The following BRD1 variants were observed in gnomAD, a reference collection of about 807,000 sequenced individuals.
BRD1 encodes the protein bromodomain containing 1.
In BRD1, 24 loss-of-function variants were observed where a neutral mutation model predicts 107.7. That is an observed-to-expected ratio of 0.22 (90% confidence interval 0.16 to 0.31). BRD1 has a LOEUF of 0.31. BRD1 is among the 10% of genes least tolerant of loss of function. BRD1 has a pLI of 1.00. For missense variants in BRD1, 1,279 were observed against 1,638.6 expected, an observed-to-expected ratio of 0.78 and a Z score of 3.79; for synonymous variants, 744 against 686.1, an observed-to-expected ratio of 1.08 and a Z score of -1.32.
At chr22:49,784,266 G>A (rs1419455611) in intron 8 of BRD1, among the ~76,000 whole-genome samples, 23 of 146,504 alleles carry the variant, frequency 1.6e-4, no homozygotes, top group African/African-American at 5.1e-4. Context: ...ACGTGCACAG[G>A]GAGACTCGCG....
intron 3 of BRD1, among the ~76,000 whole-genome samples, chr22:49,799,700 C>G (rs891113325): frequency 6.6e-6 from 1 of 152,230 alleles, no homozygotes; most frequent in African/African-American, 2.4e-5. Context: ...AGCACCTGCT[C>G]CCTTCTCAGT....
At chr22:49,779,303 A>T (rs886651624) in intron 8 of BRD1, among the ~76,000 whole-genome samples, 27 of 152,120 alleles carry the variant, frequency 1.8e-4, no homozygotes, top group Non-Finnish European at 4.4e-5. Flanking sequence ...ACTTTTCAAT[A>T]CAGGGGCTGA....
At chr22:49,816,778 G>T (rs1294212853) in intron 2 of BRD1, among the ~76,000 whole-genome samples, 1 of 152,222 alleles carries the variant, frequency 6.6e-6, no homozygotes, top group African/African-American at 2.4e-5. Flanking sequence ...TGCAGGAAGT[G>T]AGTCCAGGTA....
chr22:49,787,987 G>T, intron 7 of BRD1, 100 bp from the exon 8 acceptor site: 1 of 1,181,690 alleles, frequency 8.5e-7, no homozygotes, highest in Non-Finnish European at 1.2e-6. Context: ...TACTAATTCA[G>T]TTAAGGAAAC....
chr22:49,818,160 G>A (rs2059990859), intron 2 of BRD1: 30 of 1,002,204 alleles, frequency 3.0e-5, no homozygotes, highest in Non-Finnish European at 3.6e-5. Flanking sequence ...CTATCAGGGT[G>A]AAGGCGGGAG....
At chr22:49,778,829 T>C (rs1440466254) in intron 8 of BRD1, among the ~76,000 whole-genome samples, 1 of 151,872 alleles carries the variant, frequency 6.6e-6, no homozygotes, top group African/African-American at 2.4e-5. Flanking sequence ...GCCTGGCTAA[T>C]TTTTTGTATT....
rs1389304847 is a variant in BRD1 at position 49,825,880 on chromosome 22, T to C, written c.-14-1549A>G. The C allele has an allele frequency of 2.0e-5, 3 of 152,238 alleles. 1 individual carries two copies. The highest frequency in any genetic ancestry group is 4.8e-5 in the African/African-American group (2 of 41,444). 9.4% of individuals were successfully genotyped at this position (152,238 alleles called of 1,614,324 possible). A position where few individuals can be genotyped will look rare whatever the true frequency, so the allele number is the denominator to read the frequency against. ...TCTCTGTATCAGACAGAAATCCTCA[T>C]TGTATGTTGAAACTAGATTGCAATT... On this transcript the variant is annotated intron_variant, in intron 1 of 12. Coordinates refer to ENST00000404760, the MANE Select transcript of BRD1 (RefSeq NM_001304808.3).
intron 2 of BRD1, chr22:49,807,102 A>C (rs567993235): frequency 6.6e-6 from 1 of 152,186 alleles, no homozygotes; most frequent in Non-Finnish European, 1.5e-5. Flanking sequence ...TGTTAAGCCC[A>C]GTCTACATGC....
intron 3 of BRD1, 47 bp downstream of exon 3, chr22:49,804,157 T>G: frequency 1.3e-6 from 2 of 1,484,878 alleles, no homozygotes; most frequent in South Asian, 1.4e-5. Context: ...CCCTGGAGGG[T>G]GGGGGTGAGA....
chr22:49,823,358 T>C lies in BRD1; in HGVS notation c.960A>G (p.Pro320=), dbSNP rs777238031. 39 of 1,613,940 alleles carry C rather than the reference T, an allele frequency of 2.4e-5. No homozygotes were observed. The highest frequency in any genetic ancestry group is 3.1e-5 in the Non-Finnish European group (36 of 1,180,020). The change falls in exon 2 of 13, where the codon CCA becomes CCG. Residue 320 remains proline, a synonymous_variant. Coordinates refer to ENST00000404760, the MANE Select transcript of BRD1 (RefSeq NM_001304808.3). ...GGTAGCATGTCAGTTTCCACCGGGC[T>C]GGAGGGATGTTCCTCACCCCATCGA... ...EPIDGVRNIP[P]ARWKLTCYLC...
At chr22:49,805,666 G>A (rs1424546117) in intron 2 of BRD1, 1 of 152,154 alleles carries the variant, frequency 6.6e-6, no homozygotes, top group Non-Finnish European at 1.5e-5. Context: ...GGAGCAGTCT[G>A]TTTTTACCAC....
intron 4 of BRD1, 38 bp downstream of exon 4, chr22:49,798,950 C>T: frequency 6.4e-7 from 1 of 1,566,572 alleles, no homozygotes; most frequent in Non-Finnish European, 8.6e-7. Context: ...CGCCCCGTGG[C>T]CAGTGGTGCA....
chr22:49,813,465 G>A (rs969879165), intron 2 of BRD1, among the ~76,000 whole-genome samples: 31 of 151,436 alleles, frequency 2.0e-4, no homozygotes, highest in Middle Eastern at 3.4e-3. Context: ...CTCGTGATCC[G>A]CCCCCCTTGG....
intron 7 of BRD1, among the ~76,000 whole-genome samples, chr22:49,790,568 T>C (rs2059415171): frequency 6.6e-6 from 1 of 152,238 alleles, no homozygotes. Flanking sequence ...TAAAACCTAG[T>C]TAAGTCTGCA....
Position 49,792,546 on chromosome 22 carries a change from C to A in BRD1, c.2359+1488G>T, listed in dbSNP as rs564589587. ...CCCAAAGCAGAGGAGGGATCACGTG[C>A]CAACAATAACAGCCTTTGGGAGAAG... On this transcript the variant is annotated intron_variant, in intron 7 of 12. Coordinates refer to ENST00000404760, the MANE Select transcript of BRD1 (RefSeq NM_001304808.3). The surrounding 1 kb of genome is among the most constrained non-coding windows in gnomAD (Gnocchi z 4.2). Among the ~76,000 whole-genome samples the A allele has an allele frequency of 1.1e-4, 16 of 152,314 alleles. No individual in the cohort carries two copies. Among genetic ancestry groups the A allele is most frequent in the African/African-American group, 3.8e-4 (16 of 41,560 alleles).
At chr22:49,820,082 A>G (rs887755225) in intron 2 of BRD1, among the ~76,000 whole-genome samples, 7 of 152,042 alleles carry the variant, frequency 4.6e-5, no homozygotes, top group African/African-American at 4.8e-5. Context: ...GTGAGCCAAG[A>G]TCACCGCACT....
In BRD1 at chr22:49,777,705, G is replaced by A; in HGVS notation, c.2966C>T (p.Ser989Phe). 6.2e-7 allele frequency: 1 copy of A among 1,608,458 alleles called. No homozygotes were observed. Among genetic ancestry groups the A allele is most frequent in the South Asian group, 1.1e-5 (1 of 90,124 alleles). ...CGAGTCGCAGAGCGGGCTGTTGCTGGAGGAGATGCTGGACTCGGAGGCACA... is the reference window on the plus strand; with the variant it reads ...CGAGTCGCAGAGCGGGCTGTTGCTGAAGGAGATGCTGGACTCGGAGGCACA... ...RRCASESSIS[S>F]SNSPLCDSSF... The change falls in exon 9 of 13, where the codon TCC becomes TTC. Residue 989 changes from serine (S) to phenylalanine (F), a missense_variant. By Grantham distance (155) the Ser-to-Phe change is radical. Coordinates refer to ENST00000404760, the MANE Select transcript of BRD1 (RefSeq NM_001304808.3).
Position 49,792,244 on chromosome 22 carries a change from G to C in BRD1, c.2359+1790C>G, listed in dbSNP as rs2059449618. On this transcript the variant is annotated intron_variant, in intron 7 of 12. Transcript: ENST00000404760. The surrounding 1 kb of genome is among the most constrained non-coding windows in gnomAD (Gnocchi z 4.2). ...AAAATGGTACAACTGTGTGCGAAGA[G>C]AAGCGCTGGAAGCTATTTTGAGAAT... is the stretch of plus-strand genomic sequence containing the variant. 1.3e-5 allele frequency among the ~76,000 whole-genome samples: 2 copies of C among 152,238 alleles called. No homozygotes were observed. The highest frequency in any genetic ancestry group is 6.5e-5 in the Admixed American group (1 of 15,288).
rs1478971969 is a variant in BRD1 at position 49,803,720 on chromosome 22, C to A, written c.1524+484G>T. Among the ~76,000 whole-genome samples, 1 of 152,166 alleles carries A rather than the reference C, an allele frequency of 6.6e-6. No individual in the cohort carries two copies. Among genetic ancestry groups the A allele is most frequent in the East Asian group, 1.9e-4 (1 of 5,194 alleles). Reference sequence around the variant, plus strand: ...CACCCCACCACAGTCCCAGCTAAACCAACCTTCAGAGCAAGGCCCTCGAAA... The same window carrying A: ...CACCCCACCACAGTCCCAGCTAAACAAACCTTCAGAGCAAGGCCCTCGAAA... On this transcript the variant is annotated intron_variant, in intron 3 of 12. Coordinates refer to ENST00000404760, the MANE Select transcript of BRD1 (RefSeq NM_001304808.3). The surrounding 1 kb of genome is among the most constrained non-coding windows in gnomAD (Gnocchi z 4.4).
Sources: gnomAD v4.1 joint callset for allele counts (sites outside exome capture counted in the v4.1 genomes callset) on GRCh38, gnomAD v4.1.1 for gene constraint, Gnocchi (gnomAD v3.1) non-coding constraint, MANE v1.5 for transcripts, NCBI Gene and HGNC (gene_info 2026-07-23, HGNC 2026-07-21) for gene names.